The following SNTG2 variants were observed in gnomAD, a reference collection of about 807,000 sequenced individuals.
SNTG2 encodes the protein syntrophin gamma 2.
SNTG2 carries 74 observed loss-of-function variants against 70.9 expected under a neutral mutation model. That is an observed-to-expected ratio of 1.04 (90% CI 0.86 to 1.27). The LOEUF (loss-of-function observed/expected upper bound fraction) is 1.27. Ranked by LOEUF, SNTG2 falls within the 50% of genes most tolerant of loss-of-function variation. SNTG2 has a pLI of 0.00. For synonymous variants in SNTG2, 278 were observed against 273.8 expected, an observed-to-expected ratio of 1.02 and a Z score of -0.15; for missense variants, 717 against 690.7, an observed-to-expected ratio of 1.04 and a Z score of -0.43.
intron 8 of SNTG2, among the ~76,000 whole-genome samples, chr2:1,203,663 CA>C (rs201271605): frequency 9.7e-4 from 110 of 113,114 alleles, no homozygotes; most frequent in African/African-American, 3.2e-3. Flanking sequence ...CAAAAACAAA[CA>C]AAAAAAAAAA....
At chr2:1,138,515 G>A (rs566147343) in intron 6 of SNTG2, among the ~76,000 whole-genome samples, 4 of 152,274 alleles carry the variant, frequency 2.6e-5, no homozygotes, top group East Asian at 1.9e-4. Flanking sequence ...CCTGTGGGGT[G>A]GGGGCGGAGG....
rs115336368 is a variant in SNTG2 at position 1,127,767 on chromosome 2, T to C, written c.326-9855T>C. Among the ~76,000 whole-genome samples the C allele has an allele frequency of 8.1e-3, 1,238 of 152,280 alleles. 16 individuals carry two copies. Among genetic ancestry groups the C allele is most frequent in the African/African-American group, 0.028 (1,145 of 41,558 alleles). ...CTGATTTTTTTCAGCAAGTTCATTG[T>C]TCGTACTTAGAACACTATTGATTTC... On this transcript the variant is annotated intron_variant, in intron 4 of 16. Coordinates refer to ENST00000308624, the MANE Select transcript of SNTG2 (RefSeq NM_018968.4).
At chr2:1,255,825 T>TATATATATAA (rs1678028079) in intron 12 of SNTG2, among the ~76,000 whole-genome samples, 4 of 59,134 alleles carry the variant, frequency 6.8e-5, no homozygotes, top group Non-Finnish European at 1.2e-4. Context: ...TGTATGTATA[T>TATATATATAA]ATATATAAAT....
At chr2:1,168,202 C>T (rs1291417386) in intron 7 of SNTG2, among the ~76,000 whole-genome samples, 6 of 128,474 alleles carry the variant, frequency 4.7e-5, no homozygotes, top group African/African-American at 1.1e-4. Context: ...CCACAGACGG[C>T]AGAACTGAAG....
chr2:1,265,418 A>G (rs1260838806), intron 13 of SNTG2, among the ~76,000 whole-genome samples: 6 of 152,226 alleles, frequency 3.9e-5, no homozygotes, highest in Non-Finnish European at 8.8e-5. Flanking sequence ...TCTCATGTGC[A>G]CACATACACA....
intron 1 of SNTG2, among the ~76,000 whole-genome samples, chr2:1,010,306 T>G (rs960034638): frequency 1.3e-5 from 2 of 152,130 alleles, no homozygotes; most frequent in Non-Finnish European, 2.9e-5. Context: ...ACTGAGGGAA[T>G]AGATAACATA....
intron 2 of SNTG2, among the ~76,000 whole-genome samples, chr2:1,089,223 C>G (rs763439096): frequency 1.3e-5 from 2 of 152,168 alleles, no homozygotes. Flanking sequence ...ATTTTCAACA[C>G]TATTGAGTTA....
intron 16 of SNTG2, among the ~76,000 whole-genome samples, chr2:1,348,860 C>G (rs1193241241): frequency 6.6e-6 from 1 of 152,218 alleles, no homozygotes; most frequent in African/African-American, 2.4e-5. Context: ...ACTTGTGCTT[C>G]TAGCTTTCTT....
chr2:1,033,852 CAT>C (rs1402571581), intron 1 of SNTG2, among the ~76,000 whole-genome samples: 5 of 152,202 alleles, frequency 3.3e-5, no homozygotes, highest in African/African-American at 1.2e-4. Flanking sequence ...TGCAATAACA[CAT>C]GAGTGTTTCC....
At chr2:1,057,017 G>A (rs1662504088) in intron 1 of SNTG2, among the ~76,000 whole-genome samples, 1 of 151,686 alleles carries the variant, frequency 6.6e-6, no homozygotes, top group Admixed American at 6.6e-5. Context: ...GCGGCGCAGC[G>A]CTGTGCTGCG....
intron 14 of SNTG2, among the ~76,000 whole-genome samples, chr2:1,286,857 C>A (rs141362466): frequency 6.6e-6 from 1 of 152,338 alleles, no homozygotes; most frequent in African/African-American, 2.4e-5. Flanking sequence ...CAATATTAAC[C>A]ATCACACTTG....
intron 16 of SNTG2, among the ~76,000 whole-genome samples, chr2:1,361,413 A>G (rs1661139854): frequency 6.6e-6 from 1 of 152,206 alleles, no homozygotes; most frequent in African/African-American, 2.4e-5. Context: ...CAGACAGTGC[A>G]ATTAACACAG....
chr2:1,300,382 G>A (rs1255965624), intron 14 of SNTG2, among the ~76,000 whole-genome samples: 3 of 152,190 alleles, frequency 2.0e-5, no homozygotes, highest in East Asian at 3.9e-4. Context: ...GCTTTAGGCC[G>A]AAGAAAGCAT....
At chr2:1,059,217 C>A (rs1642295218) in intron 1 of SNTG2, 1 of 152,242 alleles carries the variant, frequency 6.6e-6, no homozygotes, top group South Asian at 2.1e-4. Flanking sequence ...CTCCTGGCAC[C>A]TTCTGCCATC....
intron 9 of SNTG2, among the ~76,000 whole-genome samples, chr2:1,217,618 C>G (rs1674483715): frequency 6.6e-6 from 1 of 152,160 alleles, no homozygotes; most frequent in African/African-American, 2.4e-5. Flanking sequence ...CCATGCGATC[C>G]TGACTACTGG....
chr2:975,256 C>G (rs1454519510), intron 1 of SNTG2, among the ~76,000 whole-genome samples: 1 of 152,184 alleles, frequency 6.6e-6, no homozygotes, highest in Non-Finnish European at 1.5e-5. Flanking sequence ...CATGCTTGCA[C>G]TCACACCCAT....
chr2:1,288,613 A>G (rs1679864281), intron 14 of SNTG2, among the ~76,000 whole-genome samples: 1 of 151,706 alleles, frequency 6.6e-6, no homozygotes, highest in Non-Finnish European at 1.5e-5. Context: ...ATACATAAGC[A>G]TACATACACA....
chr2:1,093,674 C>T (rs1184110364), intron 2 of SNTG2, among the ~76,000 whole-genome samples: 5 of 152,194 alleles, frequency 3.3e-5, no homozygotes, highest in East Asian at 3.9e-4. Flanking sequence ...TTTAAAATAA[C>T]GATTTTTCAT....
chr2:1,025,092 T>C (rs1660401265), intron 1 of SNTG2, among the ~76,000 whole-genome samples: 1 of 152,082 alleles, frequency 6.6e-6, no homozygotes, highest in African/African-American at 2.4e-5. Context: ...ACCAGAACAC[T>C]GAAGGGATGT....
Sources: allele counts gnomAD v4.1 joint callset (sites outside exome capture counted in the v4.1 genomes callset), GRCh38; gene constraint gnomAD v4.1.1; transcripts MANE v1.5; gene names NCBI Gene and HGNC (gene_info 2026-07-23, HGNC 2026-07-21).